Variants in PM20D2 observed in about 807,000 individuals in gnomAD.
PM20D2 encodes peptidase M20 domain containing 2.
In PM20D2, 33 loss-of-function variants were observed where a neutral mutation model predicts 42.9. The observed-to-expected ratio is 0.77, with a 90% CI of 0.58 to 1.03. The LOEUF (loss-of-function observed/expected upper bound fraction) is 1.03, where lower values mean the gene tolerates loss of function less well. Ranked by LOEUF, PM20D2 falls within the 50% of genes least tolerant of loss-of-function variation. The pLI is 0.00. For missense variants in PM20D2, 548 were observed against 557.0 expected (o/e 0.98, Z 0.16); for synonymous variants, 250 against 228.2 (o/e 1.10, Z -0.86).
the PM20D2 span, among the ~76,000 whole-genome samples, chr6:89,140,094 C>G: frequency 6.6e-6 from 1 of 152,076 alleles, no homozygotes; most frequent in Non-Finnish European, 1.5e-5. Flanking sequence ...TACCACCACA[C>G]CCAGCTGATT....
Position 89,146,625 on chromosome 6 carries a change from G to A in PM20D2, c.465+16G>A, listed in dbSNP as rs1255498235. 7 of 1,401,428 alleles carry A rather than the reference G, an allele frequency of 5.0e-6. No homozygotes were observed. In the African/African-American group the frequency reaches 9.1e-5, roughly 18 times the overall value. 86.8% of individuals were successfully genotyped at this position (1,401,428 alleles called of 1,614,324 possible). The stretch of plus-strand genomic sequence containing the variant: ...GCCCGTGAAGGTGAGGTGGGGCCCG[G>A]GTGCGGGACCCTATCCGACTGCCCG... On this transcript the variant is annotated intron_variant, in intron 1 of 6. Coordinates refer to ENST00000275072, the MANE Select transcript of PM20D2 (RefSeq NM_001010853.3).
chr6:89,097,591 C>A, the PM20D2 span: 1 of 151,944 alleles, frequency 6.6e-6, no homozygotes, highest in Non-Finnish European at 1.5e-5. Context: ...TGGCCTCAAG[C>A]AATCTGCCCG....
At chr6:89,151,837 C>T (rs1005519575) in intron 2 of PM20D2, among the ~76,000 whole-genome samples, 2 of 152,076 alleles carry the variant, frequency 1.3e-5, no homozygotes, top group Non-Finnish European at 2.9e-5. Context: ...CCTGTAATCA[C>T]AGCACTTAGG....
chr6:89,134,031 A>G, the PM20D2 span, among the ~76,000 whole-genome samples: 1 of 151,300 alleles, frequency 6.6e-6, no homozygotes, highest in African/African-American at 2.5e-5. Flanking sequence ...TGACACAGGT[A>G]TTTTGCCTGT....
chr6:89,131,425 C>T, the PM20D2 span, among the ~76,000 whole-genome samples: 2 of 143,390 alleles, frequency 1.4e-5, no homozygotes, highest in African/African-American at 5.0e-5. Flanking sequence ...CGGTGGCTCA[C>T]ACCTGTAATC....
chr6:89,109,940 A>C, the PM20D2 span, among the ~76,000 whole-genome samples: 1 of 152,030 alleles, frequency 6.6e-6, no homozygotes, highest in African/African-American at 2.4e-5. Flanking sequence ...AAATACAAAA[A>C]ATTAACTGGG....
the PM20D2 span, among the ~76,000 whole-genome samples, chr6:89,108,275 A>G: frequency 6.6e-6 from 1 of 152,230 alleles, no homozygotes; most frequent in Non-Finnish European, 1.5e-5. Context: ...CAGTGCATTT[A>G]TATGTTAGCC....
the PM20D2 span, among the ~76,000 whole-genome samples, chr6:89,140,178 G>C: frequency 6.6e-6 from 1 of 152,168 alleles, no homozygotes; most frequent in Non-Finnish European, 1.5e-5. Context: ...AAACCCCTGA[G>C]CTCAAGCAAT....
At chr6:89,117,995 C>T in the PM20D2 span, 1 of 1,243,636 alleles carries the variant, frequency 8.0e-7, no homozygotes, top group African/African-American at 1.6e-5. Flanking sequence ...CGGCGCGACC[C>T]CCACCCCTCG....
At chr6:89,146,865 C>G (rs1020628019) in intron 1 of PM20D2, among the ~76,000 whole-genome samples, 2 of 152,254 alleles carry the variant, frequency 1.3e-5, no homozygotes, top group Non-Finnish European at 2.9e-5. Flanking sequence ...ATAAACAGCT[C>G]TGCTGAGTTG....
chr6:89,134,129 GCATTTATTC>G, the PM20D2 span, among the ~76,000 whole-genome samples: 1 of 151,112 alleles, frequency 6.6e-6, no homozygotes, highest in South Asian at 2.1e-4. Context: ...GGCCCTGCCG[GCATTTATTC>G]AGCACACATT....
chr6:89,148,531 GGTGACCAA>G, intron 1 of PM20D2: 1 of 982,580 alleles, frequency 1.0e-6, no homozygotes, highest in South Asian at 4.7e-5. Flanking sequence ...TTAGGTGTTT[GGTGACCAA>G]TAAATCTGCC....
chr6:89,099,450 ATG>A, the PM20D2 span, among the ~76,000 whole-genome samples: 2 of 138,650 alleles, frequency 1.4e-5, no homozygotes, highest in Non-Finnish European at 3.1e-5. Context: ...ACACATATAT[ATG>A]TGTGTATATA....
the PM20D2 span, among the ~76,000 whole-genome samples, chr6:89,135,000 A>G: frequency 6.6e-6 from 1 of 151,012 alleles, no homozygotes; most frequent in Admixed American, 6.6e-5. Context: ...AGGCCTGGGC[A>G]GTCAGTCTGC....
At chr6:89,125,356 T>C in the PM20D2 span, among the ~76,000 whole-genome samples, 2 of 151,984 alleles carry the variant, frequency 1.3e-5, no homozygotes, top group Non-Finnish European at 2.9e-5. Context: ...GGCAGGCGCC[T>C]GTAGTCCCAG....
At chr6:89,148,571 A>G (rs894692086) in intron 1 of PM20D2, 10 of 981,972 alleles carry the variant, frequency 1.0e-5, no homozygotes, top group Non-Finnish European at 1.2e-5. Context: ...GTGGAATCGA[A>G]TTAGTAAGTT....
chr6:89,124,736 G>GTTTTTT, the PM20D2 span, among the ~76,000 whole-genome samples: 145 of 108,456 alleles, frequency 1.3e-3, 7 homozygotes, highest in East Asian at 2.5e-3. Context: ...TGCTGTTGTT[G>GTTTTTT]TTTTTTTTTT....
chr6:89,100,512 CATGTT>C, the PM20D2 span, among the ~76,000 whole-genome samples: 10 of 98,454 alleles, frequency 1.0e-4, no homozygotes, highest in Admixed American at 3.3e-4. Flanking sequence ...TCCATGTCCA[CATGTT>C]ATGTTAAAAA....
At chr6:89,106,401 C>T in the PM20D2 span, among the ~76,000 whole-genome samples, 1 of 152,148 alleles carries the variant, frequency 6.6e-6, no homozygotes, top group African/African-American at 2.4e-5. Flanking sequence ...GCATGAGCCA[C>T]CGCACCCAGC....
Sources: gnomAD v4.1 joint callset for allele counts (sites outside exome capture counted in the v4.1 genomes callset) on GRCh38, gnomAD v4.1.1 for gene constraint, MANE v1.5 for transcripts, NCBI Gene and HGNC (gene_info 2026-07-23, HGNC 2026-07-21) for gene names.